The following ZNF169 variants were observed in gnomAD, a reference collection of about 807,000 sequenced individuals.
ZNF169 encodes zinc finger protein 169.
In ZNF169, 11 loss-of-function variants were observed where a neutral mutation model predicts 12.0. The observed-to-expected ratio is 0.92, with a 90% CI of 0.58 to 1.52. The LOEUF (loss-of-function observed/expected upper bound fraction) is 1.52, where lower values mean the gene tolerates loss of function less well. ZNF169 is among the 40% of genes most tolerant of loss of function. The pLI is 0.00. For synonymous variants in ZNF169, 302 were observed against 286.5 expected, an observed-to-expected ratio of 1.05 and a Z score of -0.55; for missense variants, 722 against 744.0, an observed-to-expected ratio of 0.97 and a Z score of 0.34.
At chr9:94,284,292 G>A (rs1671440536) in intron 2 of ZNF169, among the ~76,000 whole-genome samples, 1 of 151,922 alleles carries the variant, frequency 6.6e-6, no homozygotes, top group Non-Finnish European at 1.5e-5. Context: ...GGGCGTGGTG[G>A]CACGTGCCTG....
intron 4 of ZNF169, chr9:94,293,875 G>C (rs886459072): frequency 6.6e-6 from 1 of 152,208 alleles, no homozygotes; most frequent in Non-Finnish European, 1.5e-5. Context: ...TACCCTAAGA[G>C]ATAGCATGTT....
chr9:94,299,050 GAT>G (rs931031515), intron 4 of ZNF169, among the ~76,000 whole-genome samples: 6 of 152,180 alleles, frequency 3.9e-5, no homozygotes, highest in Admixed American at 6.5e-5. Context: ...TAATTCACCA[GAT>G]TTTTTTAAAA....
intron 2 of ZNF169, among the ~76,000 whole-genome samples, chr9:94,284,464 C>T (rs1363226520): frequency 6.6e-6 from 1 of 152,104 alleles, no homozygotes; most frequent in Non-Finnish European, 1.5e-5. Context: ...AAGAAACTAG[C>T]TTGCACCAGG....
At chr9:94,264,290 C>T (rs1830253921) in intron 1 of ZNF169, among the ~76,000 whole-genome samples, 2 of 152,088 alleles carry the variant, frequency 1.3e-5, no homozygotes, top group Admixed American at 1.3e-4. Context: ...CATACGCTAC[C>T]ATGCCCAGCT....
chr9:94,283,997 A>G (rs12337563), intron 2 of ZNF169, among the ~76,000 whole-genome samples: 11,284 of 144,042 alleles, frequency 0.078, 591 homozygotes, highest in Middle Eastern at 0.14. Context: ...GCTTGAACCC[A>G]GTAGATGGAG....
intron 2 of ZNF169, among the ~76,000 whole-genome samples, chr9:94,286,638 T>G (rs1229306544): frequency 6.6e-6 from 1 of 152,170 alleles, no homozygotes; most frequent in Non-Finnish European, 1.5e-5. Context: ...AATGTACCCA[T>G]TAAACTGCTA....
intron 2 of ZNF169, 93 bp downstream of exon 2, chr9:94,278,938 A>G (rs1202740643): frequency 3.8e-6 from 5 of 1,306,952 alleles, no homozygotes; most frequent in South Asian, 2.6e-5. Flanking sequence ...GGCAAAGCCT[A>G]TCTTGATCTT....
chr9:94,278,872 A>G (rs760478253), intron 2 of ZNF169, 27 bp downstream of exon 2: 40 of 1,612,004 alleles, frequency 2.5e-5, no homozygotes, highest in Admixed American at 3.3e-5. Flanking sequence ...CTTCCTAGCT[A>G]TTGCAGGAAG....
intron 2 of ZNF169, 83 bp from the exon 3 acceptor site, chr9:94,292,258 C>CT (rs1830856987): frequency 1.9e-6 from 3 of 1,610,774 alleles, no homozygotes; most frequent in Admixed American, 1.7e-5. Context: ...CTGCTTCTTT[C>CT]TGCCTTGACT....
intron 2 of ZNF169, among the ~76,000 whole-genome samples, chr9:94,280,999 A>G (rs1401897387): frequency 6.6e-6 from 1 of 152,230 alleles, no homozygotes; most frequent in Non-Finnish European, 1.5e-5. Flanking sequence ...TGGAGAATCA[A>G]AGAATAAGAG....
chr9:94,277,886 T>C (rs939549776), intron 1 of ZNF169, among the ~76,000 whole-genome samples: 5 of 149,752 alleles, frequency 3.3e-5, no homozygotes, highest in African/African-American at 9.9e-5. Flanking sequence ...GAGCCGAGAT[T>C]GCGCCACTGC....
At chr9:94,270,705 T>TTATATAATATATAATATATATTATATAA (rs1554713482) in intron 1 of ZNF169, among the ~76,000 whole-genome samples, 1 of 17,072 alleles carries the variant, frequency 5.9e-5, no homozygotes, top group Non-Finnish European at 2.1e-4. Flanking sequence ...ATTTATATAA[T>TTATATAATATATAATATATATTATATAA]TATATAATAT....
intron 1 of ZNF169, among the ~76,000 whole-genome samples, chr9:94,271,514 G>A (rs1237859353): frequency 2.0e-5 from 3 of 152,016 alleles, no homozygotes; most frequent in African/African-American, 7.2e-5. Flanking sequence ...TCGGTCAAAA[G>A]ATCCAGACCA....
intron 2 of ZNF169, among the ~76,000 whole-genome samples, chr9:94,291,957 G>C (rs1251592980): frequency 6.6e-6 from 1 of 152,226 alleles, no homozygotes; most frequent in Non-Finnish European, 1.5e-5. Context: ...GGCTTTTAGA[G>C]ATATAGACAA....
intron 4 of ZNF169, chr9:94,294,263 C>G (rs1457139306): frequency 6.6e-6 from 1 of 152,102 alleles, no homozygotes; most frequent in Non-Finnish European, 1.5e-5. Context: ...CATGGTGAAA[C>G]CCCGTCTCTA....
intron 1 of ZNF169, among the ~76,000 whole-genome samples, chr9:94,269,266 G>T (rs12347577): frequency 3.3e-5 from 5 of 151,964 alleles, no homozygotes; most frequent in African/African-American, 1.2e-4. Flanking sequence ...CAACCAAAAT[G>T]CAAAGGGGGT....
rs752179025 is a variant in ZNF169, at chr9:94,292,357, G to A, written c.50G>A (p.Arg17Gln). 2.0e-5 allele frequency: 33 copies of A among 1,614,002 alleles called. No individual in the cohort carries two copies. The highest frequency in any genetic ancestry group is 8.3e-5 in the Admixed American group (5 of 60,000). Residue 17 changes from arginine (R) to glutamine (Q), a missense_variant, in exon 3 of 5, where the codon CGG (arginine) becomes CAG (glutamine). Transcript: ENST00000395395. ...TTRKEALMAF[R>Q]DVAVAFTQKE... Reference sequence around the variant, plus strand: ...GTGTTACAGGCATTGATGGCCTTCCGGGATGTGGCTGTGGCCTTCACCCAG... The same window carrying A: ...GTGTTACAGGCATTGATGGCCTTCCAGGATGTGGCTGTGGCCTTCACCCAG...
At position 94,297,091 on chromosome 9, in the gene ZNF169, T is replaced by A. The variant is rs138805025; in HGVS notation, c.257-2724T>A. 3.3e-3 allele frequency among the ~76,000 whole-genome samples: 508 copies of A among 152,264 alleles called. 4 individuals carry two copies. Among genetic ancestry groups the A allele is most frequent in the African/African-American group, 0.012 (488 of 41,562 alleles). ...TAAAAAATCCTCCATCTTTGCTTTT[T>A]TTTGCAAGTTCTTTTCGTTATTCTT... On this transcript the variant is annotated intron_variant, in intron 4 of 4. Transcript: ENST00000395395.
chr9:94,273,047 G>A (rs920361374), intron 1 of ZNF169, among the ~76,000 whole-genome samples: 2 of 135,602 alleles, frequency 1.5e-5, no homozygotes, highest in Admixed American at 7.3e-5. Context: ...GTCTATTCAA[G>A]TCATTTATTC....
Sources: allele counts gnomAD v4.1 joint callset (sites outside exome capture counted in the v4.1 genomes callset), GRCh38; gene constraint gnomAD v4.1.1; transcripts MANE v1.5; gene names NCBI Gene and HGNC (gene_info 2026-07-23, HGNC 2026-07-21).